PCBD2: variants seen among roughly 807,000 people sequenced by gnomAD.
The protein encoded by PCBD2 is pterin-4-alpha-carbinolamine dehydratase 2.
A neutral mutation model predicts 16.4 loss-of-function variants in PCBD2; 12 were observed. The ratio of observed to expected loss-of-function variants is 0.73; its 90% CI spans 0.47 to 1.19. The LOEUF (loss-of-function observed/expected upper bound fraction) is 1.19, where lower values mean the gene tolerates loss of function less well. Ranked by LOEUF, PCBD2 falls within the 50% of genes most tolerant of loss-of-function variation. PCBD2 has a pLI of 0.00. For synonymous variants in PCBD2, 58 were observed against 61.8 expected (o/e 0.94, Z 0.29); for missense variants, 138 against 156.8 (o/e 0.88, Z 0.64).
Position 134,905,154 on chromosome 5 carries a change from CG to C in PCBD2, c.19del (p.Ala7ArgfsTer17). 8.2e-7 allele frequency: 1 copy of C among 1,220,640 alleles called. No individual in the cohort carries two copies. The highest frequency in any genetic ancestry group is 1.0e-6 in the Non-Finnish European group (1 of 981,244). 75.6% of individuals were successfully genotyped at this position (1,220,640 alleles called of 1,614,324 possible). A position where few individuals can be genotyped will look rare whatever the true frequency, so the allele number is the denominator to read the frequency against. On this transcript the variant is annotated frameshift_variant, in exon 1 of 4. Transcript: ENST00000254908. LOFTEE classifies it high-confidence loss of function. MAAVLGALGATRRLLA... is the reference protein window; with the variant it reads MAAVLXALGATRRLLA... ...GCAGACGGCCAATGGCGGCGGTGCT[CG>C]GGGCGCTCGGGGCGACGCGGCGCTT...
intron 2 of PCBD2, chr5:134,927,862 CGGA>C (rs1308894227): frequency 1.8e-5 from 7 of 391,760 alleles, no homozygotes; most frequent in Admixed American, 9.1e-5. Context: ...GTTAGGGGGT[CGGA>C]GGAGAAGGAT....
chr5:134,926,509 A>G (rs1750999303), intron 2 of PCBD2: 2 of 395,156 alleles, frequency 5.1e-6, no homozygotes, highest in Non-Finnish European at 8.9e-6. Flanking sequence ...AGACCAACGG[A>G]TGGCTGTTAT....
rs533447641 is a variant in PCBD2 at position 134,905,474 on chromosome 5, C to A, written c.84+251C>A. ...CCGCCGAAGCCTACGAACTTGCCAA[C>A]CGGAAACAAATGGGAACGAATTTTG... On this transcript the variant is annotated intron_variant, in intron 1 of 3. Transcript: ENST00000254908. The A allele has an allele frequency of 5.9e-5, 21 of 356,692 alleles. No homozygotes were observed. In the South Asian group the frequency reaches 2.5e-3, roughly 43 times the overall value. The allele number at this position is 356,692 out of a possible 1,614,324, so 22.1% of individuals were successfully genotyped here. A position where few individuals can be genotyped will look rare whatever the true frequency, so the allele number is the denominator to read the frequency against.
intron 1 of PCBD2, among the ~76,000 whole-genome samples, chr5:134,906,539 G>A (rs1750693155): frequency 6.6e-6 from 1 of 152,086 alleles, no homozygotes; most frequent in Non-Finnish European, 1.5e-5. Context: ...TCTTGTCCAC[G>A]AAGGGGAGAA....
At chr5:134,933,985 C>T (rs1395868216) in intron 2 of PCBD2, among the ~76,000 whole-genome samples, 5 of 152,046 alleles carry the variant, frequency 3.3e-5, no homozygotes, top group South Asian at 2.1e-4. Context: ...AGAGTTTTTT[C>T]GGATAAAGAA....
chr5:134,917,307 T>C (rs1235559955), intron 2 of PCBD2, among the ~76,000 whole-genome samples: 1 of 152,246 alleles, frequency 6.6e-6, no homozygotes, highest in Admixed American at 6.5e-5. Flanking sequence ...AACACCCCTT[T>C]CTGCCCCCCA....
intron 2 of PCBD2, among the ~76,000 whole-genome samples, chr5:134,931,220 AATC>A (rs1344309731): frequency 6.6e-6 from 1 of 151,950 alleles, no homozygotes; most frequent in Non-Finnish European, 1.5e-5. Context: ...CTTTTTTTTG[AATC>A]ATAACTTGGT....
In PCBD2 at chr5:134,953,942, C is replaced by G. The variant is rs148611633; in HGVS notation, c.217-5098C>G. On this transcript the variant is annotated intron_variant, in intron 2 of 3. Transcript: ENST00000254908. Reference sequence around the variant, plus strand: ...TTTTAGTTTATATTATTTTTCAGTCCTAGTGCTTATGTTTAATTAATTAAT... The same window carrying G: ...TTTTAGTTTATATTATTTTTCAGTCGTAGTGCTTATGTTTAATTAATTAAT... Among the ~76,000 whole-genome samples the G allele has an allele frequency of 1.7e-3, 254 of 151,830 alleles. 8 individuals are homozygous for G. The East Asian group carries it at 0.038, about 23-fold the overall frequency.
At chr5:134,937,871 T>A (rs1018680073) in intron 2 of PCBD2, among the ~76,000 whole-genome samples, 2 of 152,232 alleles carry the variant, frequency 1.3e-5, no homozygotes, top group African/African-American at 2.4e-5. Flanking sequence ...GCGTAAGTCT[T>A]CATTTGTTTT....
At chr5:134,940,456 A>G (rs1390316812) in intron 2 of PCBD2, among the ~76,000 whole-genome samples, 2 of 151,356 alleles carry the variant, frequency 1.3e-5, no homozygotes, top group African/African-American at 2.4e-5. Context: ...ATAACCCTGG[A>G]TGTGCAGGTG....
At position 134,950,522 on chromosome 5, in the gene PCBD2, T is replaced by A. The variant is rs114053478; in HGVS notation, c.217-8518T>A. ...ACGATTTTTGTCTTGGTTTTGTGCA[T>A]CTGATAGTCTTTCATAGTTTCATGG... On this transcript the variant is annotated intron_variant, in intron 2 of 3. Coordinates refer to ENST00000254908, the MANE Select transcript of PCBD2 (RefSeq NM_032151.5). Among the ~76,000 whole-genome samples, 390 of 152,312 alleles carry A rather than the reference T, an allele frequency of 2.6e-3. 2 individuals are homozygous for A. The highest frequency in any genetic ancestry group is 9.1e-3 in the African/African-American group (377 of 41,568).
At chr5:134,934,763 A>G (rs1751139484) in intron 2 of PCBD2, among the ~76,000 whole-genome samples, 1 of 152,092 alleles carries the variant, frequency 6.6e-6, no homozygotes. Context: ...TAGTGAGGTC[A>G]TTTTCAGTCC....
At chr5:134,906,533 G>A (rs189931161) in intron 1 of PCBD2, among the ~76,000 whole-genome samples, 1 of 152,270 alleles carries the variant, frequency 6.6e-6, no homozygotes, top group African/African-American at 2.4e-5. Context: ...GCCGCTTCTT[G>A]TCCACGAAGG....
intron 2 of PCBD2, among the ~76,000 whole-genome samples, chr5:134,935,498 C>T (rs1561911953): frequency 6.6e-6 from 1 of 152,160 alleles, no homozygotes; most frequent in Non-Finnish European, 1.5e-5. Flanking sequence ...ACCAACTTTC[C>T]AGCATTTATG....
At chr5:134,921,806 A>G (rs1028133968) in intron 2 of PCBD2, among the ~76,000 whole-genome samples, 2 of 152,110 alleles carry the variant, frequency 1.3e-5, no homozygotes, top group African/African-American at 4.8e-5. Flanking sequence ...CCTTCCCTCT[A>G]GAGTTCTGGT....
intron 2 of PCBD2, among the ~76,000 whole-genome samples, chr5:134,915,371 A>T (rs1251041986): frequency 2.6e-5 from 4 of 151,844 alleles, no homozygotes; most frequent in Non-Finnish European, 1.5e-5. Context: ...TATCTTCTAA[A>T]TATTGTTCTG....
intron 2 of PCBD2, among the ~76,000 whole-genome samples, chr5:134,950,004 G>C (rs1327128604): frequency 6.6e-6 from 1 of 152,226 alleles, no homozygotes; most frequent in East Asian, 1.9e-4. Flanking sequence ...TCACCAATTA[G>C]AGTAAATTGC....
At chr5:134,931,830 G>A (rs888615734) in intron 2 of PCBD2, among the ~76,000 whole-genome samples, 1 of 152,218 alleles carries the variant, frequency 6.6e-6, no homozygotes, top group South Asian at 2.1e-4. Context: ...TAAAGGAGGC[G>A]TATGTTATTT....
At chr5:134,918,352 A>G (rs1000929620) in intron 2 of PCBD2, among the ~76,000 whole-genome samples, 3 of 152,082 alleles carry the variant, frequency 2.0e-5, no homozygotes, top group Admixed American at 6.6e-5. Context: ...TAAAAATACA[A>G]AAATCAGCTG....
Sources: gnomAD v4.1 joint callset for allele counts (sites outside exome capture counted in the v4.1 genomes callset) on GRCh38, gnomAD v4.1.1 for gene constraint, MANE v1.5 for transcripts, NCBI Gene and HGNC (gene_info 2026-07-23, HGNC 2026-07-21) for gene names.